PTPRD: variants seen among roughly 807,000 people sequenced by gnomAD.
PTPRD encodes receptor-type tyrosine-protein phosphatase delta.
A neutral mutation model predicts 214.5 loss-of-function variants in PTPRD; 34 were observed. The ratio of observed to expected loss-of-function variants is 0.16; its 90% CI spans 0.12 to 0.21. The LOEUF (loss-of-function observed/expected upper bound fraction) is 0.21, where lower values mean the gene tolerates loss of function less well. Ranked by LOEUF, PTPRD falls within the 10% of genes least tolerant of loss-of-function variation. The pLI, the probability that PTPRD is intolerant of heterozygous loss-of-function variation, is 1.00. For missense variants in PTPRD, 2,545 were observed against 2,398.7 expected (o/e 1.06, Z -1.27); for synonymous variants, 1,128 against 845.7 (o/e 1.33, Z -5.79).
intron 7 of PTPRD, among the ~76,000 whole-genome samples, chr9:9,649,822 AAAATATTTTG>A (rs1238111457): frequency 1.3e-5 from 2 of 152,232 alleles, no homozygotes; most frequent in African/African-American, 4.8e-5. Flanking sequence ...AACATTTAAT[AAAATATTTTG>A]AATTTTATTT....
intron 14 of PTPRD, among the ~76,000 whole-genome samples, chr9:8,578,232 T>A (rs1015433643): frequency 6.6e-6 from 1 of 152,144 alleles, no homozygotes; most frequent in Non-Finnish European, 1.5e-5. Context: ...ATGAATAAGA[T>A]CATATGAAGT....
chr9:8,847,859 A>T (rs1419600299), intron 11 of PTPRD, among the ~76,000 whole-genome samples: 1 of 152,208 alleles, frequency 6.6e-6, no homozygotes, highest in African/African-American at 2.4e-5. Context: ...AAAGTTTCTC[A>T]GATAAAATGG....
At chr9:10,364,578 A>C (rs533635616) in intron 2 of PTPRD, among the ~76,000 whole-genome samples, 1 of 152,062 alleles carries the variant, frequency 6.6e-6, no homozygotes, top group East Asian at 1.9e-4. Context: ...GAAATTTTCA[A>C]AGAGTTGAAA....
At chr9:10,371,292 T>C (rs2097610451) in intron 2 of PTPRD, among the ~76,000 whole-genome samples, 2 of 152,066 alleles carry the variant, frequency 1.3e-5, no homozygotes, top group Admixed American at 6.6e-5. Context: ...TATAGTGACA[T>C]AACCAGTTGC....
intron 10 of PTPRD, among the ~76,000 whole-genome samples, chr9:9,148,405 T>C (rs2099872249): frequency 1.3e-5 from 2 of 152,146 alleles, no homozygotes; most frequent in South Asian, 4.1e-4. Flanking sequence ...CCTGTAATTA[T>C]ATGTGGAAAT....
chr9:8,846,966 A>G (rs1187356206), intron 11 of PTPRD, among the ~76,000 whole-genome samples: 1 of 152,138 alleles, frequency 6.6e-6, no homozygotes, highest in Non-Finnish European at 1.5e-5. Context: ...GTGAGGTCAA[A>G]ACCAAACACA....
chr9:9,479,582 T>C (rs2095307941), intron 8 of PTPRD, among the ~76,000 whole-genome samples: 1 of 152,152 alleles, frequency 6.6e-6, no homozygotes, highest in South Asian at 2.1e-4. Flanking sequence ...GCTTTTTCTA[T>C]ATAGAATTCA....
intron 9 of PTPRD, among the ~76,000 whole-genome samples, chr9:9,294,642 C>T (rs1247714998): frequency 1.3e-5 from 2 of 151,584 alleles, no homozygotes; most frequent in African/African-American, 2.4e-5. Flanking sequence ...TTAACTCATA[C>T]CAAGATGGAG....
intron 9 of PTPRD, among the ~76,000 whole-genome samples, chr9:9,319,220 T>C (rs1422120193): frequency 6.6e-6 from 1 of 152,220 alleles, no homozygotes; most frequent in Non-Finnish European, 1.5e-5. Flanking sequence ...TTCTTTAATA[T>C]ACTCAGATTG....
chr9:10,164,436 C>T (rs1040146753), intron 3 of PTPRD, among the ~76,000 whole-genome samples: 6 of 151,406 alleles, frequency 4.0e-5, no homozygotes, highest in Admixed American at 6.6e-5. Flanking sequence ...CGATGCATTA[C>T]AGCCAATGTC....
rs1016998237 is a variant in PTPRD at position 8,317,066 on chromosome 9, A to G, written c.*808T>C. The G allele has an allele frequency of 2.6e-5, 6 of 231,408 alleles. No individual in the cohort carries two copies. The highest frequency in any genetic ancestry group is 1.3e-4 in the African/African-American group (6 of 44,930). 14.3% of individuals were successfully genotyped at this position (231,408 alleles called of 1,614,324 possible). On this transcript the variant is annotated 3_prime_UTR_variant, in exon 46 of 46. Coordinates refer to ENST00000381196, the MANE Select transcript of PTPRD (RefSeq NM_002839.4). Reference sequence around the variant, plus strand: ...AATAATAATTATCTTTGATTATTTGAAGAGAATGGGTACTTTCTCACCAAT... The same window carrying G: ...AATAATAATTATCTTTGATTATTTGGAGAGAATGGGTACTTTCTCACCAAT...
chr9:9,524,748 T>G (rs1344516615), intron 8 of PTPRD, among the ~76,000 whole-genome samples: 1 of 152,240 alleles, frequency 6.6e-6, no homozygotes, highest in African/African-American at 2.4e-5. Context: ...TTTTCGATTT[T>G]ACATTGACTA....
intron 9 of PTPRD, among the ~76,000 whole-genome samples, chr9:9,318,360 T>A (rs1242868957): frequency 6.6e-6 from 1 of 152,150 alleles, no homozygotes; most frequent in Non-Finnish European, 1.5e-5. Flanking sequence ...AACTTCTTTG[T>A]AATATCTGAA....
At chr9:10,522,173 A>T (rs1294726559) in intron 2 of PTPRD, among the ~76,000 whole-genome samples, 1 of 152,168 alleles carries the variant, frequency 6.6e-6, no homozygotes, top group African/African-American at 2.4e-5. Flanking sequence ...GTGCTACTCC[A>T]TAGGCAGTGG....
chr9:10,085,033 G>A (rs2098310608), intron 3 of PTPRD, among the ~76,000 whole-genome samples: 1 of 151,900 alleles, frequency 6.6e-6, no homozygotes, highest in Non-Finnish European at 1.5e-5. Flanking sequence ...TAAAGTAAAG[G>A]ATGTCCTCTG....
intron 8 of PTPRD, among the ~76,000 whole-genome samples, chr9:9,517,366 T>G (rs2096863502): frequency 6.6e-6 from 1 of 152,096 alleles, no homozygotes; most frequent in Non-Finnish European, 1.5e-5. Flanking sequence ...AGACTTTGTT[T>G]CTGTAAAGAT....
intron 35 of PTPRD, among the ~76,000 whole-genome samples, chr9:8,421,406 T>C (rs1476733664): frequency 2.0e-5 from 3 of 149,042 alleles, no homozygotes; most frequent in Non-Finnish European, 4.5e-5. Flanking sequence ...TTCTCTCAAC[T>C]TATGCATGTA....
intron 2 of PTPRD, among the ~76,000 whole-genome samples, chr9:10,589,328 T>C (rs1049389069): frequency 2.1e-4 from 32 of 151,978 alleles, no homozygotes; most frequent in African/African-American, 7.7e-4. Context: ...CTTGACCCAA[T>C]AACAAAGTTT....
Position 9,616,716 on chromosome 9 carries a change from G to A in PTPRD, c.-286-41935C>T, listed in dbSNP as rs1005007619. ...ACTGGACCTTTTCTAGAAAACTCAC[G>A]AATTATCCACCCCTTGTTTAGCATA... On this transcript the variant is annotated intron_variant, in intron 7 of 45. Transcript: ENST00000381196. Among the ~76,000 whole-genome samples, 25 of 152,150 alleles carry A rather than the reference G, an allele frequency of 1.6e-4. No individual in the cohort carries two copies. The South Asian group carries it at 2.1e-3, about 13-fold the overall frequency.
Sources: allele counts gnomAD v4.1 joint callset (sites outside exome capture counted in the v4.1 genomes callset), GRCh38; gene constraint gnomAD v4.1.1; transcripts MANE v1.5; gene names NCBI Gene and HGNC (gene_info 2026-07-23, HGNC 2026-07-21).